Variants in UNC13C observed in about 807,000 individuals in gnomAD.
UNC13C encodes the protein unc-13 homolog C.
UNC13C carries 174 observed loss-of-function variants against 245.4 expected under a neutral mutation model. The ratio of observed to expected loss-of-function variants is 0.71; its 90% confidence interval spans 0.63 to 0.80. The LOEUF is 0.80. Among genes scored for constraint, UNC13C ranks in the 30% least tolerant of loss-of-function variants. The probability of loss-of-function intolerance (pLI) is 0.00; values close to 1 mark genes in which losing one functional copy is unlikely to be tolerated. For missense variants in UNC13C, 2,829 were observed against 2,602.9 expected, an observed-to-expected ratio of 1.09 and a Z score of -1.89; for synonymous variants, 992 against 895.1, an observed-to-expected ratio of 1.11 and a Z score of -1.93.
At chr15:54,081,567 T>G (rs1898940829) in intron 2 of UNC13C, among the ~76,000 whole-genome samples, 1 of 151,812 alleles carries the variant, frequency 6.6e-6, no homozygotes. Flanking sequence ...TTACTGTTGT[T>G]TTAAAGTATG....
chr15:54,588,691 G>A (rs1233246779), intron 30 of UNC13C, among the ~76,000 whole-genome samples: 1 of 152,070 alleles, frequency 6.6e-6, no homozygotes, highest in East Asian at 1.9e-4. Flanking sequence ...TTATGCATTT[G>A]CATCCTTATA....
chr15:54,067,848 T>C (rs1373247691), intron 2 of UNC13C, among the ~76,000 whole-genome samples: 3 of 152,218 alleles, frequency 2.0e-5, no homozygotes, highest in African/African-American at 7.2e-5. Flanking sequence ...TCAATACATG[T>C]GAAAATACAT....
At chr15:54,018,058 C>T (rs535561295) in intron 2 of UNC13C, among the ~76,000 whole-genome samples, 52 of 152,190 alleles carry the variant, frequency 3.4e-4, no homozygotes, top group East Asian at 1.2e-3. Flanking sequence ...ATCTCTGCTC[C>T]CCTTGGCAGC....
chr15:54,292,786 G>C (rs900473461), intron 10 of UNC13C, among the ~76,000 whole-genome samples: 1 of 150,952 alleles, frequency 6.6e-6, no homozygotes, highest in Non-Finnish European at 1.5e-5. Context: ...TTGTATTGAT[G>C]ACAAAAATGC....
chr15:54,261,923 C>T (rs2036437752), intron 8 of UNC13C, among the ~76,000 whole-genome samples: 1 of 152,114 alleles, frequency 6.6e-6, no homozygotes, highest in Admixed American at 6.5e-5. Context: ...CTCTATTAAC[C>T]TGCTGTCCAC....
chr15:54,418,992 A>G (rs1478021077), intron 19 of UNC13C, among the ~76,000 whole-genome samples: 1 of 152,174 alleles, frequency 6.6e-6, no homozygotes, highest in South Asian at 2.1e-4. Context: ...AGTTGAAACT[A>G]CTTGTTTTGT....
At chr15:54,048,924 G>C (rs1897156430) in intron 2 of UNC13C, 1 of 275,978 alleles carries the variant, frequency 3.6e-6, no homozygotes, top group Non-Finnish European at 7.2e-6. Context: ...ATACCACACT[G>C]TAAATTGAGT....
chr15:54,013,743 T>A lies in UNC13C; in HGVS notation c.840T>A (p.Ser280Arg), dbSNP rs1381509767. Residue 280 changes from serine to arginine, a missense_variant, in exon 2 of 33, where the codon AGT becomes AGA. By Grantham distance (110) the Ser-to-Arg change is moderately radical (BLOSUM62 -1). Transcript: ENST00000260323. ...LKHSIDEISSSVEVVQSEIEQ... is the reference protein window; with the variant it reads ...LKHSIDEISSRVEVVQSEIEQ... ...ACTCCATCGATGAGATCTCCAGCAG[T>A]GTGGAGGTTGTACAAAGTGAAATTG... 6.2e-7 allele frequency: 1 copy of A among 1,611,792 alleles called. No individual in the cohort carries two copies.
rs141273675 is a variant in UNC13C, at chr15:54,521,107, A to T, written c.5458-4442A>T. 6.0e-4 allele frequency among the ~76,000 whole-genome samples: 92 copies of T among 152,324 alleles called. 1 individual carries two copies. The East Asian group carries it at 0.015, about 24-fold the overall frequency. On this transcript the variant is annotated intron_variant, in intron 24 of 32. Transcript: ENST00000260323. ...AGAAGGAACCAAGAGTGCAAGTTAAACAGCATTTTTCTTGGAAATAAGGCT... is the reference window on the plus strand; with the variant it reads ...AGAAGGAACCAAGAGTGCAAGTTAATCAGCATTTTTCTTGGAAATAAGGCT...
intron 2 of UNC13C, among the ~76,000 whole-genome samples, chr15:54,038,124 A>ATATATATATATTTTTTTTTTT: frequency 2.2e-5 from 1 of 45,034 alleles, no homozygotes; most frequent in Non-Finnish European, 3.5e-5. Context: ...ATATATATAT[A>ATATATATATATTTTTTTTTTT]TTTTTTTTTT....
At chr15:54,570,660 G>T (rs1168814192) in intron 30 of UNC13C, among the ~76,000 whole-genome samples, 1 of 152,104 alleles carries the variant, frequency 6.6e-6, no homozygotes, top group African/African-American at 2.4e-5. Context: ...GAGTAATAAA[G>T]TTAGCCAACA....
the UNC13C span, among the ~76,000 whole-genome samples, chr15:53,971,271 T>C: frequency 6.6e-6 from 1 of 152,202 alleles, no homozygotes; most frequent in African/African-American, 2.4e-5. Context: ...ATTGGATGCT[T>C]ACGTTACACC....
chr15:54,184,146 G>A (rs1377201174), intron 4 of UNC13C, among the ~76,000 whole-genome samples: 3 of 152,072 alleles, frequency 2.0e-5, no homozygotes, highest in Admixed American at 1.3e-4. Context: ...TGAGGCAACT[G>A]ATGCTAATAA....
chr15:54,089,242 G>A (rs1446258454), intron 2 of UNC13C, among the ~76,000 whole-genome samples: 1 of 152,142 alleles, frequency 6.6e-6, no homozygotes, highest in Non-Finnish European at 1.5e-5. Context: ...CTAAAAGCAA[G>A]GTATGCCTAG....
At chr15:53,850,010 C>G in the UNC13C span, among the ~76,000 whole-genome samples, 1 of 152,148 alleles carries the variant, frequency 6.6e-6, no homozygotes, top group Non-Finnish European at 1.5e-5. Context: ...ATACAAGTTT[C>G]TTTTTAGTGT....
rs1489558461 is a variant in UNC13C at position 54,264,286 on chromosome 15, C to T, written c.3567C>T (p.Ile1189=). ...EKNRPEVFEV[I]QEMFQISKED... ...ACCGGCCAGAAGTATTTGAAGTAAT[C>T]CAGGAAATGTTTCAGATTTCTAAAG... is the stretch of plus-strand genomic sequence containing the variant. The change falls in exon 9 of 33, where the codon ATC becomes ATT. Residue 1189 remains isoleucine (I), a synonymous_variant. Transcript: ENST00000260323. 1 of 1,600,458 alleles carries T rather than the reference C, an allele frequency of 6.2e-7. No individual in the cohort carries two copies. Among genetic ancestry groups the T allele is most frequent in the Admixed American group, 1.7e-5 (1 of 58,168 alleles).
chr15:54,594,521 G>A (rs1054873818), intron 30 of UNC13C, among the ~76,000 whole-genome samples: 7 of 152,014 alleles, frequency 4.6e-5, no homozygotes, highest in African/African-American at 1.7e-4. Flanking sequence ...TGGGGGATGG[G>A]GGTGAGAGTC....
At chr15:54,450,361 C>T (rs1031369483) in intron 19 of UNC13C, among the ~76,000 whole-genome samples, 7 of 152,244 alleles carry the variant, frequency 4.6e-5, no homozygotes, top group African/African-American at 1.7e-4. Flanking sequence ...TATGCCCTGC[C>T]CCCAGAGGTG....
intron 2 of UNC13C, among the ~76,000 whole-genome samples, chr15:54,129,693 G>A (rs2031285127): frequency 6.6e-6 from 1 of 151,476 alleles, no homozygotes; most frequent in African/African-American, 2.4e-5. Context: ...TTGGCATAAA[G>A]ATGTATATAT....
Sources: gnomAD v4.1 joint callset for allele counts (sites outside exome capture counted in the v4.1 genomes callset) on GRCh38, gnomAD v4.1.1 for gene constraint, MANE v1.5 for transcripts, NCBI Gene and HGNC (gene_info 2026-07-23, HGNC 2026-07-21) for gene names.